RIN2: variants seen among roughly 807,000 people sequenced by gnomAD.
RIN2 encodes RAB5 interacting protein 2.
In RIN2, 36 loss-of-function variants were observed where a neutral mutation model predicts 78.0. That is an observed-to-expected ratio of 0.46 (90% CI 0.35 to 0.61). The LOEUF (loss-of-function observed/expected upper bound fraction) is 0.61, where lower values mean the gene tolerates loss of function less well. Ranked by LOEUF, RIN2 falls within the 20% of genes least tolerant of loss-of-function variation. RIN2 has a pLI of 0.00. For missense variants in RIN2, 1,087 were observed against 1,159.7 expected, an observed-to-expected ratio of 0.94 and a Z score of 0.91; for synonymous variants, 466 against 466.8, an observed-to-expected ratio of 1.00 and a Z score of 0.02.
At chr20:19,917,360 G>A (rs533800876) in intron 3 of RIN2, among the ~76,000 whole-genome samples, 3 of 152,318 alleles carry the variant, frequency 2.0e-5, no homozygotes, top group African/African-American at 7.2e-5. Flanking sequence ...AGCTCCAGAG[G>A]AAACTTGTCT....
At chr20:19,764,072 CT>C (rs907653371) in intron 1 of RIN2, among the ~76,000 whole-genome samples, 1 of 151,942 alleles carries the variant, frequency 6.6e-6, no homozygotes, top group Non-Finnish European at 1.5e-5. Context: ...TGAGTGAAGT[CT>C]TTTTTTAAGT....
intron 2 of RIN2, among the ~76,000 whole-genome samples, chr20:19,812,345 G>T (rs1466714773): frequency 2.0e-5 from 3 of 152,124 alleles, no homozygotes; most frequent in African/African-American, 7.2e-5. Context: ...TATGTATGGT[G>T]CTTCCAGTTC....
chr20:19,900,686 C>T (rs1220483609), intron 3 of RIN2, among the ~76,000 whole-genome samples: 1 of 151,622 alleles, frequency 6.6e-6, no homozygotes, highest in African/African-American at 2.4e-5. Context: ...TGTGGTGGCT[C>T]ACGCCTGTAA....
intron 3 of RIN2, among the ~76,000 whole-genome samples, chr20:19,931,499 A>G (rs961522996): frequency 7.2e-5 from 11 of 152,308 alleles, no homozygotes; most frequent in East Asian, 3.9e-4. Context: ...CATGTTATCA[A>G]TATAAACATT....
chr20:19,984,804 A>C (rs898125012), intron 9 of RIN2, among the ~76,000 whole-genome samples: 1 of 152,184 alleles, frequency 6.6e-6, no homozygotes, highest in Admixed American at 6.5e-5. Flanking sequence ...CCACCCTGGC[A>C]TATGTGGTTC....
intron 3 of RIN2, among the ~76,000 whole-genome samples, chr20:19,920,988 GTTGTTTGT>G (rs34625955): frequency 6.6e-6 from 1 of 151,492 alleles, no homozygotes; most frequent in Non-Finnish European, 1.5e-5. Flanking sequence ...AGTTTTTTGG[GTTGTTTGT>G]TTGTTTGTTT....
chr20:19,844,667 TTC>T (rs2036708856), intron 2 of RIN2, among the ~76,000 whole-genome samples: 2 of 128,454 alleles, frequency 1.6e-5, no homozygotes, highest in African/African-American at 6.4e-5. Flanking sequence ...CTTCTTCTTC[TTC>T]CTTCTTCTTC....
intron 7 of RIN2, among the ~76,000 whole-genome samples, chr20:19,968,759 G>C (rs890606859): frequency 2.6e-5 from 4 of 152,184 alleles, no homozygotes; most frequent in African/African-American, 4.8e-5. Context: ...GAGGAAAGTA[G>C]ATTTTAATTA....
chr20:19,837,770 T>C (rs2036466285), intron 2 of RIN2, among the ~76,000 whole-genome samples: 1 of 152,042 alleles, frequency 6.6e-6, no homozygotes, highest in Non-Finnish European at 1.5e-5. Context: ...TTCTTTCCTT[T>C]CTTCCTTTCC....
intron 4 of RIN2, chr20:19,935,476 T>G: frequency 4.2e-6 from 5 of 1,196,282 alleles, no homozygotes; most frequent in Non-Finnish European, 5.2e-6. Flanking sequence ...CATATCCACC[T>G]ACTCCCAATG....
At chr20:19,986,082 G>A (rs556238849) in intron 9 of RIN2, among the ~76,000 whole-genome samples, 1 of 152,274 alleles carries the variant, frequency 6.6e-6, no homozygotes, top group Non-Finnish European at 1.5e-5. Flanking sequence ...TGCAAAAAGA[G>A]ATCATAGAAA....
chr20:19,809,186 A>T (rs2035509125), intron 2 of RIN2: 1 of 152,310 alleles, frequency 6.6e-6, no homozygotes, highest in South Asian at 2.1e-4. Context: ...GGGGCAGAAG[A>T]TCAGGGGAAA....
intron 1 of RIN2, among the ~76,000 whole-genome samples, chr20:19,764,400 T>C (rs1049329222): frequency 7.9e-5 from 12 of 152,158 alleles, no homozygotes; most frequent in African/African-American, 2.9e-4. Context: ...CCAGGGGAAG[T>C]TGAGTGCTGA....
At chr20:19,886,731 G>A in intron 2 of RIN2, 3 of 1,546,712 alleles carry the variant, frequency 1.9e-6, no homozygotes, top group Non-Finnish European at 2.6e-6. Flanking sequence ...AAAAGAACAA[G>A]CTTCCAACCG....
rs2035489509 is a variant in RIN2 at position 19,808,635 on chromosome 20, A to G, written c.-37+8888A>G. On this transcript the variant is annotated intron_variant, in intron 2 of 12. Coordinates refer to ENST00000255006, the MANE Select transcript of RIN2 (RefSeq NM_018993.4). ...GTGGGCCCCTGTTTGTGTCAGAGAC[A>G]GAACACTCCGCAGGGTTCCGGTTAG... Among the ~76,000 whole-genome samples the G allele has an allele frequency of 2.6e-5, 4 of 152,228 alleles. No homozygotes were observed. In the South Asian group the frequency reaches 8.3e-4, roughly 32 times the overall value.
intron 2 of RIN2, among the ~76,000 whole-genome samples, chr20:19,816,936 C>T (rs1158447740): frequency 2.6e-5 from 4 of 152,092 alleles, no homozygotes; most frequent in Non-Finnish European, 4.4e-5. Flanking sequence ...TCATAATATA[C>T]TGTGTATTTC....
intron 4 of RIN2, chr20:19,935,647 C>T (rs192198190): frequency 5.1e-6 from 5 of 985,564 alleles, no homozygotes; most frequent in Admixed American, 6.0e-5. Flanking sequence ...AAACCATTAA[C>T]CTGAAAAGCC....
At chr20:19,972,843 G>C (rs2042150471) in intron 8 of RIN2, among the ~76,000 whole-genome samples, 1 of 152,188 alleles carries the variant, frequency 6.6e-6, no homozygotes, top group Non-Finnish European at 1.5e-5. Flanking sequence ...AGAAACATAA[G>C]GCTAATCTGT....
chr20:19,943,461 A>G (rs972882443), intron 4 of RIN2, among the ~76,000 whole-genome samples: 1 of 152,174 alleles, frequency 6.6e-6, no homozygotes, highest in Non-Finnish European at 1.5e-5. Flanking sequence ...GCTCTTACAA[A>G]TCTTTTTTGA....
Sources: allele counts gnomAD v4.1 joint callset (sites outside exome capture counted in the v4.1 genomes callset), GRCh38; gene constraint gnomAD v4.1.1; transcripts MANE v1.5; gene names NCBI Gene and HGNC (gene_info 2026-07-23, HGNC 2026-07-21).